The following TRPM1 variants were observed in gnomAD, a reference collection of about 807,000 sequenced individuals.
TRPM1 encodes TRPM1-203 APA Isoform, Intron 10.
Under a neutral mutation model 149.4 loss-of-function variants are expected in TRPM1, and 113 were observed. The observed-to-expected ratio is 0.76, with a 90% CI of 0.65 to 0.88. The LOEUF (loss-of-function observed/expected upper bound fraction) is 0.88. Ranked by LOEUF, TRPM1 falls within the 40% of genes least tolerant of loss-of-function variation. TRPM1 has a pLI of 0.00. For synonymous variants in TRPM1, 741 were observed against 759.5 expected (o/e 0.98, Z 0.40); for missense variants, 1,976 against 2,038.7 (o/e 0.97, Z 0.59).
intron 18 of TRPM1, among the ~76,000 whole-genome samples, 198 bp downstream of exon 18, chr15:31,039,920 C>T (rs1462021141): frequency 1.3e-5 from 2 of 152,158 alleles, no homozygotes; most frequent in Non-Finnish European, 2.9e-5. Flanking sequence ...CCATGCTGAC[C>T]AGCTAAGATC....
chr15:31,027,370 C>T (rs569465984), intron 25 of TRPM1, among the ~76,000 whole-genome samples: 1 of 152,270 alleles, frequency 6.6e-6, no homozygotes, highest in South Asian at 2.1e-4. Flanking sequence ...AAAACCACAC[C>T]ACAATCTACT....
intron 1 of TRPM1, among the ~76,000 whole-genome samples, chr15:31,113,399 T>C (rs1395690856): frequency 6.6e-6 from 1 of 150,948 alleles, no homozygotes; most frequent in East Asian, 1.9e-4. Context: ...AAGGGTCACC[T>C]ATGCATACAG....
chr15:31,071,421 T>A (rs56242510), intron 3 of TRPM1, among the ~76,000 whole-genome samples: 1 of 152,110 alleles, frequency 6.6e-6, no homozygotes, highest in Non-Finnish European at 1.5e-5. Flanking sequence ...ACGTGTGTAA[T>A]GCACATGTGC....
chr15:31,081,168 A>C (rs1271690588), intron 2 of TRPM1, among the ~76,000 whole-genome samples, 185 bp downstream of exon 2: 2 of 152,134 alleles, frequency 1.3e-5, no homozygotes, highest in Admixed American at 1.3e-4. Context: ...GCCGAGTGCC[A>C]GCCCTTGCTG....
intron 27 of TRPM1, among the ~76,000 whole-genome samples, chr15:31,024,028 TGAAC>T: frequency 6.6e-6 from 1 of 152,198 alleles, no homozygotes; most frequent in Admixed American, 6.5e-5. Flanking sequence ...CCATCCTGTG[TGAAC>T]ACGCCTGTAA....
chr15:31,148,945 C>T (rs2036257315), intron 1 of TRPM1, among the ~76,000 whole-genome samples: 1 of 152,184 alleles, frequency 6.6e-6, no homozygotes, highest in African/African-American at 2.4e-5. Context: ...TCCTGGGCAA[C>T]CTGCAGATGC....
chr15:31,008,031 C>T (rs2032057819), intron 27 of TRPM1, among the ~76,000 whole-genome samples: 1 of 152,142 alleles, frequency 6.6e-6, no homozygotes, highest in African/African-American at 2.4e-5. Context: ...TGACTTTGTA[C>T]TCTGTAGCCT....
chr15:31,096,076 AAGAAAAG>A (rs1338271697), intron 1 of TRPM1, among the ~76,000 whole-genome samples: 1 of 79,068 alleles, frequency 1.3e-5, no homozygotes, highest in African/African-American at 7.6e-5. Flanking sequence ...TAGAAAAGAA[AAGAAAAG>A]AAAAGAAAGA....
intron 4 of TRPM1, among the ~76,000 whole-genome samples, chr15:31,068,731 C>T (rs956819239): frequency 8.0e-5 from 9 of 111,886 alleles, no homozygotes; most frequent in East Asian, 5.6e-4. Context: ...GCAACAAGAT[C>T]GAAACTCCAA....
At chr15:31,086,040 T>C (rs2034991823) in intron 1 of TRPM1, among the ~76,000 whole-genome samples, 1 of 151,442 alleles carries the variant, frequency 6.6e-6, no homozygotes, top group South Asian at 2.1e-4. Flanking sequence ...AAAGGAAAAC[T>C]GGGCTGGGTG....
chr15:31,026,894 A>T, intron 26 of TRPM1, 21 bp downstream of exon 26: 1 of 1,611,750 alleles, frequency 6.2e-7, no homozygotes, highest in Non-Finnish European at 8.5e-7. Context: ...CCAACTTAGA[A>T]ATGAAGAGCC....
At chr15:31,026,444 A>AC in intron 26 of TRPM1, 173 bp from the exon 27 acceptor site, 1 of 804,634 alleles carries the variant, frequency 1.2e-6, no homozygotes, top group East Asian at 2.7e-5. Flanking sequence ...ATACGCCCCA[A>AC]CCCTCTATCA....
intron 1 of TRPM1, among the ~76,000 whole-genome samples, chr15:31,137,121 C>A (rs1048510224): frequency 3.3e-5 from 5 of 152,182 alleles, no homozygotes; most frequent in Non-Finnish European, 7.3e-5. Flanking sequence ...GCAGGGCACA[C>A]CACCTTTCGG....
chr15:31,043,187 ATTTGT>A (rs532871629), intron 16 of TRPM1, among the ~76,000 whole-genome samples: 1 of 151,874 alleles, frequency 6.6e-6, no homozygotes, highest in South Asian at 2.1e-4. Context: ...TACTGACCCA[ATTTGT>A]TTTGTTTTGT....
chr15:31,062,057 C>T (rs896374571), intron 9 of TRPM1, among the ~76,000 whole-genome samples: 1 of 152,136 alleles, frequency 6.6e-6, no homozygotes, highest in Non-Finnish European at 1.5e-5. Context: ...TTCCCCATCC[C>T]TTCTGGCACC....
At chr15:31,154,304 A>G (rs2036340291) in intron 1 of TRPM1, among the ~76,000 whole-genome samples, 1 of 152,210 alleles carries the variant, frequency 6.6e-6, no homozygotes, top group Non-Finnish European at 1.5e-5. Context: ...GTATGATGTG[A>G]AGCCATAGAG....
chr15:31,051,124 T>C (rs1291495558), intron 11 of TRPM1, among the ~76,000 whole-genome samples: 1 of 152,074 alleles, frequency 6.6e-6, no homozygotes, highest in Non-Finnish European at 1.5e-5. Flanking sequence ...CTGAAATGCA[T>C]GCAATGCGGT....
At chr15:31,019,821 G>A (rs1379444657) in intron 27 of TRPM1, among the ~76,000 whole-genome samples, 2 of 150,426 alleles carry the variant, frequency 1.3e-5, no homozygotes, top group South Asian at 2.1e-4. Context: ...GCCTTTCGCT[G>A]CCACACCTGG....
At chr15:31,080,944 T>C (rs2034841522) in intron 2 of TRPM1, among the ~76,000 whole-genome samples, 1 of 152,110 alleles carries the variant, frequency 6.6e-6, no homozygotes, top group African/African-American at 2.4e-5. Flanking sequence ...CCTACAGGAC[T>C]TAATGCCACC....
Sources: allele counts gnomAD v4.1 joint callset (sites outside exome capture counted in the v4.1 genomes callset), GRCh38; gene constraint gnomAD v4.1.1; transcripts MANE v1.5; gene names NCBI Gene and HGNC (gene_info 2026-07-23, HGNC 2026-07-21).